The following GALNTL6 variants were observed in gnomAD, a reference collection of about 807,000 sequenced individuals.
GALNTL6 encodes polypeptide N-acetylgalactosaminyltransferase like 6, also known as polypeptide N-acetylgalactosaminyltransferase-like 6.
In GALNTL6, 46 loss-of-function variants were observed where a neutral mutation model predicts 73.7. That is an observed-to-expected ratio of 0.62 (90% confidence interval 0.49 to 0.80). GALNTL6 has a LOEUF of 0.80. Among genes scored for constraint, GALNTL6 ranks in the 30% least tolerant of loss-of-function variants. GALNTL6 has a pLI of 0.00. For synonymous variants in GALNTL6, 259 were observed against 263.7 expected (o/e 0.98, Z 0.17); for missense variants, 604 against 755.0 (o/e 0.80, Z 2.34).
chr4:172,037,389 A>G (rs575183175), intron 2 of GALNTL6, among the ~76,000 whole-genome samples: 3 of 152,240 alleles, frequency 2.0e-5, no homozygotes, highest in Admixed American at 2.0e-4. Context: ...CATAGCATCT[A>G]TTTGATCTTT....
At chr4:172,761,200 A>T (rs143957490) in intron 5 of GALNTL6, among the ~76,000 whole-genome samples, 1,637 of 152,334 alleles carry the variant, frequency 0.011, 104 homozygotes, top group Admixed American at 0.093. Flanking sequence ...TGCAGAATTT[A>T]CACCTAGACC....
intron 7 of GALNTL6, among the ~76,000 whole-genome samples, chr4:172,819,152 T>C (rs370941480): frequency 6.6e-6 from 1 of 152,194 alleles, no homozygotes; most frequent in Non-Finnish European, 1.5e-5. Flanking sequence ...CATGCTAAAA[T>C]GGGGAAAATT....
chr4:172,459,662 T>C (rs747144203), intron 5 of GALNTL6, among the ~76,000 whole-genome samples: 4 of 152,136 alleles, frequency 2.6e-5, no homozygotes, highest in Non-Finnish European at 5.9e-5. Flanking sequence ...ACAAGGGATA[T>C]GAAGGACCTC....
chr4:172,799,401 G>A (rs1740479047), intron 5 of GALNTL6, among the ~76,000 whole-genome samples: 1 of 152,142 alleles, frequency 6.6e-6, no homozygotes, highest in Admixed American at 6.5e-5. Context: ...GTCTATGCAT[G>A]CTATTTGCTT....
chr4:172,677,000 T>C (rs1344855273), intron 5 of GALNTL6, among the ~76,000 whole-genome samples: 2 of 152,260 alleles, frequency 1.3e-5, no homozygotes, highest in East Asian at 3.8e-4. Flanking sequence ...CCTGAAATGC[T>C]AGATAGAATC....
intron 3 of GALNTL6, among the ~76,000 whole-genome samples, chr4:172,244,462 C>T (rs1737555336): frequency 6.6e-6 from 1 of 152,046 alleles, no homozygotes; most frequent in African/African-American, 2.4e-5. Context: ...CTATTTGTTG[C>T]AAAACTCATA....
intron 2 of GALNTL6, among the ~76,000 whole-genome samples, chr4:171,887,550 T>G (rs1736638339): frequency 6.6e-6 from 1 of 152,186 alleles, no homozygotes; most frequent in Admixed American, 6.5e-5. Flanking sequence ...AAAAGTCAGT[T>G]GTGCTAACAC....
intron 8 of GALNTL6, among the ~76,000 whole-genome samples, 176 bp downstream of exon 8, chr4:172,883,083 C>A (rs930005109): frequency 3.3e-5 from 5 of 152,028 alleles, no homozygotes; most frequent in African/African-American, 4.8e-5. Flanking sequence ...TTTATTTTTT[C>A]TTGATATACA....
In GALNTL6 at chr4:172,312,685, T is replaced by C. The variant is rs183211834; in HGVS notation, c.386+933T>C. On this transcript the variant is annotated intron_variant, in intron 4 of 12. Coordinates refer to ENST00000506823, the MANE Select transcript of GALNTL6 (RefSeq NM_001034845.3). The stretch of plus-strand genomic sequence containing the variant: ...AATTAAACCAGTAATTTAAAGCGAA[T>C]AAAACTCCTTAACTTTGTGCAAAGA... 8.3e-4 allele frequency among the ~76,000 whole-genome samples: 126 copies of C among 152,282 alleles called. 2 individuals carry two copies. The South Asian group carries it at 0.016, about 20-fold the overall frequency.
intron 10 of GALNTL6, 23 bp downstream of exon 10, chr4:172,952,281 C>T (rs1278918496): frequency 6.4e-7 from 1 of 1,563,816 alleles, no homozygotes; most frequent in Non-Finnish European, 8.8e-7. Flanking sequence ...TGCCTGAAAC[C>T]TGCGCCTACC....
intron 5 of GALNTL6, among the ~76,000 whole-genome samples, chr4:172,567,002 A>G (rs571533848): frequency 1.3e-5 from 2 of 152,026 alleles, no homozygotes; most frequent in South Asian, 4.2e-4. Flanking sequence ...CAACAGCACA[A>G]CTTTTGACAC....
chr4:172,511,655 C>T lies in GALNTL6; in HGVS notation c.553+162966C>T, dbSNP rs750708685. Among the ~76,000 whole-genome samples the T allele has an allele frequency of 1.1e-3, 59 of 55,040 alleles. 26 individuals carry two copies. Among genetic ancestry groups the T allele is most frequent in the Non-Finnish European group, 2.5e-3 (59 of 23,864 alleles). 36.1% of individuals were successfully genotyped at this position (55,040 alleles called of 152,430 possible). A position where few individuals can be genotyped will look rare whatever the true frequency, so the allele number is the denominator to read the frequency against. ...GTTGTATCACTATTATCATTAAGTTCAAGGAATTTTTTTATTTCCATCTTT... is the reference window on the plus strand; with the variant it reads ...GTTGTATCACTATTATCATTAAGTTTAAGGAATTTTTTTATTTCCATCTTT... On this transcript the variant is annotated intron_variant, in intron 5 of 12. Coordinates refer to ENST00000506823, the MANE Select transcript of GALNTL6 (RefSeq NM_001034845.3).
At chr4:172,798,320 G>A (rs1268248281) in intron 5 of GALNTL6, among the ~76,000 whole-genome samples, 1 of 152,196 alleles carries the variant, frequency 6.6e-6, no homozygotes, top group Admixed American at 6.5e-5. Flanking sequence ...CTGGTAAGAG[G>A]TGACTGAATC....
At chr4:172,447,819 A>G (rs897995829) in intron 5 of GALNTL6, among the ~76,000 whole-genome samples, 6 of 152,180 alleles carry the variant, frequency 3.9e-5, no homozygotes, top group African/African-American at 1.4e-4. Flanking sequence ...TACCAAGACT[A>G]GGGTTTTAAA....
rs150764069 is a variant in GALNTL6, at chr4:172,713,451, T to C, written c.554-95910T>C. Among the ~76,000 whole-genome samples the C allele has an allele frequency of 1.7e-3, 259 of 152,060 alleles. 1 individual carries two copies. Among genetic ancestry groups the C allele is most frequent in the African/African-American group, 6.1e-3 (253 of 41,502 alleles). On this transcript the variant is annotated intron_variant, in intron 5 of 12. Coordinates refer to ENST00000506823, the MANE Select transcript of GALNTL6 (RefSeq NM_001034845.3). ...CTTGCTGCAGGAGATCAGTCTTTTA[T>C]TCAACTTAGGCCTTCAACTGTTTGA...
chr4:172,595,976 T>G (rs1737835288), intron 5 of GALNTL6, among the ~76,000 whole-genome samples: 9 of 151,982 alleles, frequency 5.9e-5, no homozygotes, highest in Admixed American at 5.9e-4. Context: ...GCATATAAAC[T>G]TATATAAAAC....
At chr4:172,096,490 A>G (rs1239264545) in intron 2 of GALNTL6, among the ~76,000 whole-genome samples, 1 of 150,188 alleles carries the variant, frequency 6.7e-6, no homozygotes, top group African/African-American at 2.5e-5. Context: ...CAATCACACG[A>G]TTTTTCCTTG....
chr4:172,224,369 C>T (rs1736782251), intron 2 of GALNTL6, among the ~76,000 whole-genome samples: 1 of 152,088 alleles, frequency 6.6e-6, no homozygotes, highest in African/African-American at 2.4e-5. Context: ...CAGAGTTTTT[C>T]TACTACATCA....
At chr4:172,716,139 G>A (rs1735072451) in intron 5 of GALNTL6, among the ~76,000 whole-genome samples, 1 of 152,106 alleles carries the variant, frequency 6.6e-6, no homozygotes, top group South Asian at 2.1e-4. Context: ...TAACTAATTG[G>A]GAGAGGTGCT....
Sources: gnomAD v4.1 joint callset for allele counts (sites outside exome capture counted in the v4.1 genomes callset) on GRCh38, gnomAD v4.1.1 for gene constraint, MANE v1.5 for transcripts, NCBI Gene and HGNC (gene_info 2026-07-23, HGNC 2026-07-21) for gene names.